SYNE2: variants seen among roughly 807,000 people sequenced by gnomAD.
SYNE2 encodes spectrin repeat containing nuclear envelope protein 2.
Under a neutral mutation model 856.3 loss-of-function variants are expected in SYNE2, and 431 were observed. The ratio of observed to expected loss-of-function variants is 0.50; its 90% CI spans 0.47 to 0.55. SYNE2 has a LOEUF of 0.55. Ranked by LOEUF, SYNE2 falls within the 20% of genes least tolerant of loss-of-function variation. SYNE2 has a pLI of 0.00. For missense variants in SYNE2, 8,129 were observed against 8,023.2 expected (o/e 1.01, Z -0.50); for synonymous variants, 2,923 against 2,872.3 (o/e 1.02, Z -0.56).
chr14:64,170,532 T>C (rs769651564), intron 94 of SYNE2, 70 bp downstream of exon 94: 47 of 1,456,144 alleles, frequency 3.2e-5, no homozygotes, highest in Non-Finnish European at 4.1e-5. Context: ...CATTCACCTT[T>C]GGTTTAATGT....
Position 64,129,831 on chromosome 14 carries a change from C to G in SYNE2, c.14069C>G (p.Ala4690Gly), listed in dbSNP as rs1271674383. ...CTGGAGAACGCCGAGAGCCGAGTGG[C>G]CAAACTAAGAGATGAAGGGGAGAGG... The part of the protein sequence containing the change: ...VELENAESRV[A>G]KLRDEGERLH... Residue 4690 changes from alanine to glycine, a missense_variant, in exon 75 of 116, where the codon GCC becomes GGC. By Grantham distance (60) the Ala-to-Gly change is moderately conservative. Around this residue, in one of 3 missense-constraint regions of SYNE2, gnomAD observed 5,410 missense variants for 5,284.8 expected, o/e 1.02. Coordinates refer to ENST00000555002, the MANE Select transcript of SYNE2 (RefSeq NM_182914.3). 6.2e-7 allele frequency: 1 copy of G among 1,614,004 alleles called. No homozygotes were observed. Among genetic ancestry groups the G allele is most frequent in the African/African-American group, 1.3e-5 (1 of 74,896 alleles).
At chr14:64,004,968 G>A (rs986374605) in intron 30 of SYNE2, among the ~76,000 whole-genome samples, 1 of 152,196 alleles carries the variant, frequency 6.6e-6, no homozygotes, top group Admixed American at 6.5e-5. Flanking sequence ...CACTGAGAAG[G>A]TGGCCTTGGC....
rs372644442 is a variant in SYNE2, at chr14:63,961,652, C to G, written c.888+27C>G. ...TATGTTTTCATATGCATAAATCAAG[C>G]TCATTTTAGTTGTATCCTGCTAATG... On this transcript the variant is annotated intron_variant, in intron 9 of 115. Coordinates refer to ENST00000555002, the MANE Select transcript of SYNE2 (RefSeq NM_182914.3). 12 of 1,525,692 alleles carry G rather than the reference C, an allele frequency of 7.9e-6. No individual in the cohort carries two copies. In the African/African-American group the frequency reaches 1.2e-4, roughly 16 times the overall value. The allele number at this position is 1,525,692 out of a possible 1,614,324, so 94.5% of individuals were successfully genotyped here.
At chr14:64,132,508 GAGA>G (rs2098032928) in intron 77 of SYNE2, 70 bp downstream of exon 77, 7 of 1,572,394 alleles carry the variant, frequency 4.5e-6, no homozygotes, top group East Asian at 2.2e-5. Flanking sequence ...CCCAGGTGTT[GAGA>G]AGAAGTATCT....
intron 1 of SYNE2, among the ~76,000 whole-genome samples, chr14:63,797,090 AAAAAG>A (rs367714264): frequency 0.072 from 10,685 of 147,766 alleles, 363 homozygotes; most frequent in Middle Eastern, 0.11. Context: ...AAAAAAAAAA[AAAAAG>A]AAAAGAAAAG....
chr14:64,193,367 TG>T (rs1348680874), intron 99 of SYNE2, among the ~76,000 whole-genome samples: 1 of 152,164 alleles, frequency 6.6e-6, no homozygotes, highest in Admixed American at 6.5e-5. Context: ...CTGGCTTACA[TG>T]GCGAAACCCC....
chr14:63,947,895 A>C (rs770308513), intron 6 of SYNE2, among the ~76,000 whole-genome samples: 5 of 152,140 alleles, frequency 3.3e-5, no homozygotes, highest in Admixed American at 1.3e-4. Flanking sequence ...TCACCTTCAC[A>C]CGTGAAGTCG....
chr14:63,943,966 G>C (rs556675062), intron 6 of SYNE2, among the ~76,000 whole-genome samples: 2 of 151,938 alleles, frequency 1.3e-5, no homozygotes, highest in African/African-American at 2.4e-5. Flanking sequence ...AGCACGCCTG[G>C]CCTGTGTTTT....
intron 6 of SYNE2, among the ~76,000 whole-genome samples, chr14:63,949,544 C>A (rs571319032): frequency 3.3e-5 from 5 of 152,260 alleles, no homozygotes; most frequent in African/African-American, 1.2e-4. Context: ...TGAAGTGCTC[C>A]ATAAGCACTT....
rs112574774 is a variant in SYNE2 at position 64,162,840 on chromosome 14, G to C, written c.16300-562G>C. The C allele has an allele frequency of 5.7e-4, 108 of 191,142 alleles. 1 individual carries two copies. Among genetic ancestry groups the C allele is most frequent in the African/African-American group, 2.4e-3 (103 of 42,450 alleles). 11.8% of individuals were successfully genotyped at this position (191,142 alleles called of 1,614,324 possible). ...CTGCTACTGTAGGTCAAATCAAAACGTGGCAACCAATTTAATTAGGTGAGA... is the reference window on the plus strand; with the variant it reads ...CTGCTACTGTAGGTCAAATCAAAACCTGGCAACCAATTTAATTAGGTGAGA... On this transcript the variant is annotated intron_variant, in intron 88 of 115. Coordinates refer to ENST00000555002, the MANE Select transcript of SYNE2 (RefSeq NM_182914.3).
intron 11 of SYNE2, among the ~76,000 whole-genome samples, chr14:63,973,042 G>A (rs958073841): frequency 2.6e-5 from 4 of 151,920 alleles, no homozygotes; most frequent in South Asian, 2.1e-4. Flanking sequence ...ATCAGTTGAC[G>A]TCAGGAGTTC....
chr14:64,204,831 G>T lies in SYNE2; in HGVS notation c.18201+1868G>T, dbSNP rs575073910. ...ACGCAAATTTACTATATATCTGGAGGTTAGAGATCTGAAATGGATCTCACT... is the reference window on the plus strand; with the variant it reads ...ACGCAAATTTACTATATATCTGGAGTTTAGAGATCTGAAATGGATCTCACT... On this transcript the variant is annotated intron_variant, in intron 100 of 115. Transcript: ENST00000555002. Among the ~76,000 whole-genome samples the T allele has an allele frequency of 2.6e-5, 4 of 152,296 alleles. No homozygotes were observed. The East Asian group carries it at 5.8e-4, about 22-fold the overall frequency.
intron 41 of SYNE2, 137 bp downstream of exon 41, chr14:64,025,558 A>G (rs1389277349): frequency 2.3e-6 from 2 of 873,650 alleles, no homozygotes; most frequent in African/African-American, 3.4e-5. Context: ...CAGATCACTG[A>G]GCTTACAAAA....
At chr14:64,021,547 A>G (rs1405938560) in intron 36 of SYNE2, 32 bp downstream of exon 36, 22 of 1,610,552 alleles carry the variant, frequency 1.4e-5, no homozygotes, top group Non-Finnish European at 1.8e-5. Flanking sequence ...TCTGTGGTTC[A>G]GATTTATTTT....
At chr14:64,183,212 G>A (rs1419467831) in intron 96 of SYNE2, among the ~76,000 whole-genome samples, 8 of 150,286 alleles carry the variant, frequency 5.3e-5, no homozygotes, top group Non-Finnish European at 1.0e-4. Flanking sequence ...GGCAGCTGCC[G>A]GGCGGAGGGG....
chr14:63,850,597 G>C (rs1490845438), upstream of SYNE2, among the ~76,000 whole-genome samples: 1 of 152,068 alleles, frequency 6.6e-6, no homozygotes, highest in Non-Finnish European at 1.5e-5. Context: ...TCAAAGTACA[G>C]AGGATCTGTT....
intron 84 of SYNE2, among the ~76,000 whole-genome samples, chr14:64,150,321 A>AAAAAAAAAAAAAAG (rs766798501): frequency 5.9e-5 from 7 of 119,490 alleles, no homozygotes; most frequent in South Asian, 2.8e-4. Context: ...AAAAAAAAAA[A>AAAAAAAAAAAAAAG]GGATCCTCCC....
At chr14:64,203,773 C>G (rs1037765960) in intron 100 of SYNE2, among the ~76,000 whole-genome samples, 2 of 152,188 alleles carry the variant, frequency 1.3e-5, no homozygotes, top group Non-Finnish European at 2.9e-5. Context: ...GATTCTCAGA[C>G]TTGAATCTGT....
In SYNE2 at chr14:64,183,040, G is replaced by A. The variant is rs576874807; in HGVS notation, c.17557-3384G>A. Among the ~76,000 whole-genome samples, 267 of 149,684 alleles carry A rather than the reference G, an allele frequency of 1.8e-3. 1 individual carries two copies. Among genetic ancestry groups the A allele is most frequent in the Non-Finnish European group, 3.2e-3 (214 of 67,498 alleles). On this transcript the variant is annotated intron_variant, in intron 96 of 115. Transcript: ENST00000555002. Reference sequence around the variant, plus strand: ...GGCTGCCCCCGCCTCCCTCCCGGACGGGGCGGCTGCTGGGCGGAGACGCTC... The same window carrying A: ...GGCTGCCCCCGCCTCCCTCCCGGACAGGGCGGCTGCTGGGCGGAGACGCTC...
Sources: gnomAD v4.1 joint callset for allele counts (sites outside exome capture counted in the v4.1 genomes callset) on GRCh38, gnomAD v4.1.1 for gene constraint, gnomAD v4.1.1 regional missense constraint, MANE v1.5 for transcripts, NCBI Gene and HGNC (gene_info 2026-07-23, HGNC 2026-07-21) for gene names.